Variants in NLGN1 observed in about 807,000 individuals in gnomAD.
NLGN1 encodes the protein neuroligin-1.
Under a neutral mutation model 65.5 loss-of-function variants are expected in NLGN1, and 12 were observed. The ratio of observed to expected loss-of-function variants is 0.18; its 90% CI spans 0.12 to 0.30. The LOEUF is 0.30. Among genes scored for constraint, NLGN1 ranks in the 10% least tolerant of loss-of-function variants. The pLI is 1.00. For synonymous variants in NLGN1, 350 were observed against 359.5 expected (o/e 0.97, Z 0.30); for missense variants, 750 against 1,007.1 (o/e 0.74, Z 3.46).
chr3:173,533,490 A>G (rs1736928443), intron 2 of NLGN1, among the ~76,000 whole-genome samples: 2 of 152,138 alleles, frequency 1.3e-5, no homozygotes, highest in Admixed American at 1.3e-4. Context: ...AGGTCTTAGG[A>G]TCACTTGGTT....
At chr3:173,973,213 A>G (rs1716670435) in intron 4 of NLGN1, among the ~76,000 whole-genome samples, 1 of 152,136 alleles carries the variant, frequency 6.6e-6, no homozygotes, top group Non-Finnish European at 1.5e-5. Context: ...TCATTGTGGG[A>G]AAATGGAATA....
intron 4 of NLGN1, among the ~76,000 whole-genome samples, chr3:174,076,706 AGAGAGAGAGAGAGAGAGAGT>A (rs1432066393): frequency 1.6e-3 from 228 of 144,976 alleles, no homozygotes; most frequent in African/African-American, 4.6e-3. Context: ...AGAGAGAGAG[AGAGAGAGAGAGAGAGAGAGT>A]GTGTGTGTGT....
At chr3:174,183,427 G>T (rs1730811624) in intron 4 of NLGN1, among the ~76,000 whole-genome samples, 1 of 152,026 alleles carries the variant, frequency 6.6e-6, no homozygotes, top group Non-Finnish European at 1.5e-5. Flanking sequence ...TTTAATAACT[G>T]TTGGTTAAAA....
At chr3:174,115,693 C>G (rs957768264) in intron 4 of NLGN1, among the ~76,000 whole-genome samples, 1 of 152,002 alleles carries the variant, frequency 6.6e-6, no homozygotes, top group Admixed American at 6.6e-5. Context: ...ATAAAGGGAG[C>G]CTGGGGATAC....
intron 4 of NLGN1, among the ~76,000 whole-genome samples, chr3:174,151,808 G>A (rs950437090): frequency 6.6e-6 from 1 of 152,074 alleles, no homozygotes; most frequent in African/African-American, 2.4e-5. Context: ...TATTCCTAAA[G>A]TCTTCGAAAG....
rs1239893638 is a variant in NLGN1 at position 174,077,551 on chromosome 3, CTTTTT to C, written c.647-197763_647-197759del. Among the ~76,000 whole-genome samples the C allele has an allele frequency of 3.3e-5, 5 of 150,124 alleles. No individual in the cohort carries two copies. In the East Asian group the frequency reaches 7.8e-4, roughly 24 times the overall value. On this transcript the variant is annotated intron_variant, in intron 4 of 6. Transcript: ENST00000457714. The stretch of plus-strand genomic sequence containing the variant: ...TTTAGCTTCTTTCTTTCTTTCTTTT[CTTTTT>C]ATTTATTTATTTATTTTTTTTGAGA...
At chr3:173,891,834 A>C (rs78970631) in intron 4 of NLGN1, among the ~76,000 whole-genome samples, 7,264 of 152,312 alleles carry the variant, frequency 0.048, 387 homozygotes, top group African/African-American at 0.13. Context: ...TCAAGTCACA[A>C]CAATGCCCAT....
chr3:173,674,636 G>C (rs918954965), intron 3 of NLGN1, among the ~76,000 whole-genome samples: 2 of 151,870 alleles, frequency 1.3e-5, no homozygotes, highest in Non-Finnish European at 2.9e-5. Flanking sequence ...CCTGTATAAA[G>C]AAATCATTAC....
chr3:174,034,144 A>G (rs971532069), intron 4 of NLGN1, among the ~76,000 whole-genome samples: 2 of 152,140 alleles, frequency 1.3e-5, no homozygotes, highest in African/African-American at 4.8e-5. Flanking sequence ...GCAAAGAAGA[A>G]GAAAGTGGAG....
At chr3:174,057,875 T>A (rs1471994060) in intron 4 of NLGN1, 11 of 152,138 alleles carry the variant, frequency 7.2e-5, no homozygotes, top group Admixed American at 7.2e-4. Context: ...TTATATAATT[T>A]GCTAAGTTAC....
chr3:173,857,299 C>A (rs1728181299), intron 4 of NLGN1, among the ~76,000 whole-genome samples: 1 of 152,094 alleles, frequency 6.6e-6, no homozygotes, highest in South Asian at 2.1e-4. Context: ...GGGACTTGCA[C>A]ACCACTTGTG....
At chr3:174,117,607 A>C (rs1404984593) in intron 4 of NLGN1, among the ~76,000 whole-genome samples, 3 of 122,214 alleles carry the variant, frequency 2.5e-5, no homozygotes, top group African/African-American at 9.2e-5. Context: ...GGCAATAGAG[A>C]AAAAAAAAAA....
At position 174,240,101 on chromosome 3, in the gene NLGN1, G is replaced by A. The variant is rs561787494; in HGVS notation, c.647-35214G>A. On this transcript the variant is annotated intron_variant, in intron 4 of 6. Transcript: ENST00000457714. The stretch of plus-strand genomic sequence containing the variant: ...ATGAGGCTGATATTTAACAATGGGT[G>A]TGTATAATAAGGAAGGATACCAAGA... Among the ~76,000 whole-genome samples, 7 of 152,202 alleles carry A rather than the reference G, an allele frequency of 4.6e-5. No individual in the cohort carries two copies. In the South Asian group the frequency reaches 1.5e-3, roughly 32 times the overall value.
In NLGN1 at chr3:173,472,360, G is replaced by T. The variant is rs1046320517; in HGVS notation, c.-321+37282G>T. ...CCTTAGTCATAATGTCTTTATGAAT[G>T]ATTTCATTGTTTTACCTTCCAAAAT... On this transcript the variant is annotated intron_variant, in intron 2 of 6. Transcript: ENST00000457714. 5.3e-5 allele frequency among the ~76,000 whole-genome samples: 8 copies of T among 152,056 alleles called. No individual in the cohort carries two copies. The South Asian group carries it at 1.7e-3, about 32-fold the overall frequency.
At chr3:173,859,502 G>T (rs758908721) in intron 4 of NLGN1, among the ~76,000 whole-genome samples, 5 of 152,182 alleles carry the variant, frequency 3.3e-5, no homozygotes, top group African/African-American at 1.2e-4. Flanking sequence ...GAAAATATTT[G>T]TAAGGGCCCT....
At chr3:173,707,805 A>C (rs1333231857) in intron 3 of NLGN1, among the ~76,000 whole-genome samples, 2 of 152,220 alleles carry the variant, frequency 1.3e-5, no homozygotes, top group South Asian at 4.1e-4. Context: ...GCCTGCTGCC[A>C]ATATTAATCC....
chr3:174,047,119 A>G (rs1733785923), intron 4 of NLGN1, among the ~76,000 whole-genome samples: 1 of 152,008 alleles, frequency 6.6e-6, no homozygotes, highest in African/African-American at 2.4e-5. Context: ...GCACAAAACA[A>G]TATTGCTGAT....
At chr3:173,464,831 G>A (rs1418734771) in intron 2 of NLGN1, among the ~76,000 whole-genome samples, 1 of 152,028 alleles carries the variant, frequency 6.6e-6, no homozygotes, top group Non-Finnish European at 1.5e-5. Context: ...AATGGCAGAG[G>A]TTAGTCTTCA....
At chr3:173,912,238 A>G (rs775857526) in intron 4 of NLGN1, among the ~76,000 whole-genome samples, 1 of 152,186 alleles carries the variant, frequency 6.6e-6, no homozygotes, top group Non-Finnish European at 1.5e-5. Context: ...GCAAGTAACA[A>G]GGGCCATGGA....
Sources: gnomAD v4.1 joint callset for allele counts (sites outside exome capture counted in the v4.1 genomes callset) on GRCh38, gnomAD v4.1.1 for gene constraint, MANE v1.5 for transcripts, NCBI Gene and HGNC (gene_info 2026-07-23, HGNC 2026-07-21) for gene names.